The following TCF7L1 variants were observed in gnomAD, a reference collection of about 807,000 sequenced individuals.
TCF7L1 encodes the protein transcription factor 7 like 1.
Under a neutral mutation model 63.7 loss-of-function variants are expected in TCF7L1, and 18 were observed. That is an observed-to-expected ratio of 0.28 (90% CI 0.20 to 0.42). TCF7L1 has a LOEUF of 0.42. Among genes scored for constraint, TCF7L1 ranks in the 10% least tolerant of loss-of-function variants. The probability of loss-of-function intolerance (pLI) is 1.00; values close to 1 mark genes in which losing one functional copy is unlikely to be tolerated. For synonymous variants in TCF7L1, 355 were observed against 340.9 expected (o/e 1.04, Z -0.46); for missense variants, 654 against 779.3 (o/e 0.84, Z 1.91).
chr2:85,275,872 ATT>A (rs1558653524), intron 3 of TCF7L1, among the ~76,000 whole-genome samples: 2 of 142,100 alleles, frequency 1.4e-5, no homozygotes, highest in African/African-American at 5.2e-5. Flanking sequence ...GTGATCTATG[ATT>A]GCGCCACTGC....
At chr2:85,161,064 T>A (rs1424630837) in intron 3 of TCF7L1, among the ~76,000 whole-genome samples, 1 of 152,160 alleles carries the variant, frequency 6.6e-6, no homozygotes, top group African/African-American at 2.4e-5. Flanking sequence ...CCAGCATCCG[T>A]AGAGCTAAGG....
chr2:85,298,354 G>A (rs1037570037), intron 4 of TCF7L1, among the ~76,000 whole-genome samples: 1 of 151,442 alleles, frequency 6.6e-6, no homozygotes, highest in African/African-American at 2.4e-5. Flanking sequence ...AGCTGGGCAT[G>A]GTGGCGGGTG....
rs191748159 is a variant in TCF7L1, at chr2:85,160,906, C to A, written c.441+26456C>A. On this transcript the variant is annotated intron_variant, in intron 3 of 11. Transcript: ENST00000282111. ...TTTGTTCCAGAAGATCATTTGCAAT[C>A]ATCAATGAGAACCCGCACATCATTC... 5.3e-3 allele frequency among the ~76,000 whole-genome samples: 802 copies of A among 152,282 alleles called. 5 individuals carry two copies. Among genetic ancestry groups the A allele is most frequent in the African/African-American group, 0.018 (767 of 41,542 alleles).
chr2:85,196,305 G>C (rs1679155724), intron 3 of TCF7L1, among the ~76,000 whole-genome samples: 1 of 152,166 alleles, frequency 6.6e-6, no homozygotes, highest in Non-Finnish European at 1.5e-5. Context: ...ATATTGCTTA[G>C]GCTGGACTCA....
intron 3 of TCF7L1, 75 bp from the exon 4 acceptor site, chr2:85,283,420 C>T: frequency 6.5e-7 from 1 of 1,545,578 alleles, no homozygotes; most frequent in Non-Finnish European, 8.9e-7. Context: ...GCCCTAACAG[C>T]AGAGCCCAGC....
At chr2:85,244,435 G>A (rs991983515) in intron 3 of TCF7L1, among the ~76,000 whole-genome samples, 1 of 152,170 alleles carries the variant, frequency 6.6e-6, no homozygotes, top group African/African-American at 2.4e-5. Flanking sequence ...GTAGAAATGG[G>A]GAAAGTTCTC....
intron 3 of TCF7L1, among the ~76,000 whole-genome samples, chr2:85,150,324 C>T (rs539631873): frequency 9.6e-4 from 146 of 152,028 alleles, no homozygotes; most frequent in African/African-American, 3.3e-3. Flanking sequence ...ACCTCCACCT[C>T]CCGGGTTCAC....
At chr2:85,245,055 A>T (rs2104329032) in intron 3 of TCF7L1, among the ~76,000 whole-genome samples, 1 of 152,312 alleles carries the variant, frequency 6.6e-6, no homozygotes, top group East Asian at 1.9e-4. Flanking sequence ...TGTCCTCAAA[A>T]TATAGACTTG....
chr2:85,232,375 C>T (rs1479260900), intron 3 of TCF7L1, among the ~76,000 whole-genome samples: 1 of 152,150 alleles, frequency 6.6e-6, no homozygotes, highest in Non-Finnish European at 1.5e-5. Context: ...GAACTTCTAC[C>T]CTCAGATTTA....
At chr2:85,187,840 G>A (rs1298301265) in intron 3 of TCF7L1, among the ~76,000 whole-genome samples, 1 of 152,142 alleles carries the variant, frequency 6.6e-6, no homozygotes, top group Non-Finnish European at 1.5e-5. Context: ...ACATGTGAAT[G>A]TTCATAACAC....
At chr2:85,163,350 C>A (rs1477005068) in intron 3 of TCF7L1, among the ~76,000 whole-genome samples, 1 of 152,116 alleles carries the variant, frequency 6.6e-6, no homozygotes, top group East Asian at 1.9e-4. Flanking sequence ...CCCCCTCCCC[C>A]ATAAGACCAT....
At chr2:85,143,624 C>T (rs1241073388) in intron 3 of TCF7L1, among the ~76,000 whole-genome samples, 5 of 152,160 alleles carry the variant, frequency 3.3e-5, no homozygotes, top group South Asian at 2.1e-4. Flanking sequence ...TGATTGATGG[C>T]GCCAAGATTT....
At chr2:85,299,655 G>A (rs1224132978) in intron 4 of TCF7L1, among the ~76,000 whole-genome samples, 1 of 151,656 alleles carries the variant, frequency 6.6e-6, no homozygotes, top group Non-Finnish European at 1.5e-5. Context: ...TTGCTTGAGC[G>A]CAGGAGTTCG....
intron 3 of TCF7L1, among the ~76,000 whole-genome samples, chr2:85,208,543 T>A (rs1276287713): frequency 6.6e-6 from 1 of 152,188 alleles, no homozygotes; most frequent in Non-Finnish European, 1.5e-5. Flanking sequence ...AGTGAAGGGA[T>A]GAACCGTATC....
At chr2:85,240,896 G>C (rs1029480319) in intron 3 of TCF7L1, among the ~76,000 whole-genome samples, 5 of 152,162 alleles carry the variant, frequency 3.3e-5, no homozygotes, top group Non-Finnish European at 7.3e-5. Context: ...AGCCAAAAGA[G>C]AGAAAAATGT....
At chr2:85,235,346 C>T (rs1014885300) in intron 3 of TCF7L1, among the ~76,000 whole-genome samples, 1 of 151,638 alleles carries the variant, frequency 6.6e-6, no homozygotes, top group African/African-American at 2.4e-5. Flanking sequence ...CTGTCCCTAC[C>T]CTGTCTCCCC....
intron 3 of TCF7L1, among the ~76,000 whole-genome samples, chr2:85,230,139 C>T (rs933712553): frequency 6.6e-6 from 1 of 152,154 alleles, no homozygotes; most frequent in Non-Finnish European, 1.5e-5. Context: ...CAGCTTTTTT[C>T]ACTTCATACT....
At chr2:85,158,880 C>G (rs923031456) in intron 3 of TCF7L1, among the ~76,000 whole-genome samples, 1 of 152,234 alleles carries the variant, frequency 6.6e-6, no homozygotes, top group Non-Finnish European at 1.5e-5. Context: ...CCCAGCCACA[C>G]TTTCTGTTTG....
Position 85,207,826 on chromosome 2 carries a change from A to G in TCF7L1, c.441+73376A>G, listed in dbSNP as rs1259750086. On this transcript the variant is annotated intron_variant, in intron 3 of 11. Transcript: ENST00000282111. ...GCTTTGCGTTAGGTGTTTTTGCCCA[A>G]CTGTAGGCTAATGTAAGTATTCTGA... Among the ~76,000 whole-genome samples the G allele has an allele frequency of 2.0e-5, 3 of 152,156 alleles. No individual in the cohort carries two copies. In the East Asian group the frequency reaches 5.8e-4, roughly 29 times the overall value.
Sources: allele counts gnomAD v4.1 joint callset (sites outside exome capture counted in the v4.1 genomes callset), GRCh38; gene constraint gnomAD v4.1.1; transcripts MANE v1.5; gene names NCBI Gene and HGNC (gene_info 2026-07-23, HGNC 2026-07-21).